The following GABRB1 variants were observed in gnomAD, a reference collection of about 807,000 sequenced individuals.
GABRB1 encodes gamma-aminobutyric acid receptor subunit beta-1.
GABRB1 carries 17 observed loss-of-function variants against 51.6 expected under a neutral mutation model. That is an observed-to-expected ratio of 0.33 (90% CI 0.23 to 0.49). GABRB1 has a LOEUF of 0.49. Ranked by LOEUF, GABRB1 falls within the 20% of genes least tolerant of loss-of-function variation. GABRB1 has a pLI of 0.99. For missense variants in GABRB1, 410 were observed against 600.6 expected (o/e 0.68, Z 3.32); for synonymous variants, 247 against 218.9 (o/e 1.13, Z -1.14).
At chr4:47,385,176 C>T (rs1727745825) in intron 5 of GABRB1, among the ~76,000 whole-genome samples, 1 of 152,162 alleles carries the variant, frequency 6.6e-6, no homozygotes, top group African/African-American at 2.4e-5. Context: ...GCCATGACCT[C>T]ATCTGAGACT....
chr4:47,298,668 G>T (rs1046599982), intron 4 of GABRB1, among the ~76,000 whole-genome samples: 1 of 152,172 alleles, frequency 6.6e-6, no homozygotes, highest in Non-Finnish European at 1.5e-5. Context: ...GCTGCCCAAG[G>T]TAATTTATAG....
intron 1 of GABRB1, among the ~76,000 whole-genome samples, chr4:47,021,305 T>G (rs907177741): frequency 1.3e-5 from 2 of 152,306 alleles, no homozygotes; most frequent in African/African-American, 4.8e-5. Flanking sequence ...GAATTCCAGA[T>G]AAGTAAGAGA....
chr4:47,099,833 T>TA (rs5858053), intron 3 of GABRB1, among the ~76,000 whole-genome samples: 115,232 of 150,630 alleles, frequency 0.77, 44,240 homozygotes, highest in Middle Eastern at 0.82. Context: ...TAAAATCACT[T>TA]AAAAAAAAAC....
intron 4 of GABRB1, among the ~76,000 whole-genome samples, chr4:47,170,154 C>T (rs899918260): frequency 1.3e-5 from 2 of 152,048 alleles, no homozygotes; most frequent in Admixed American, 1.3e-4. Context: ...GATAACTCCT[C>T]TACCATATTT....
intron 3 of GABRB1, among the ~76,000 whole-genome samples, chr4:47,142,795 T>A (rs976023733): frequency 6.6e-6 from 1 of 151,852 alleles, no homozygotes; most frequent in Non-Finnish European, 1.5e-5. Context: ...TCAAGGAAGA[T>A]ACCCAAGTGA....
intron 5 of GABRB1, among the ~76,000 whole-genome samples, chr4:47,371,355 G>A (rs756091693): frequency 4.6e-5 from 7 of 152,068 alleles, no homozygotes; most frequent in Non-Finnish European, 8.8e-5. Flanking sequence ...CATTTGCATT[G>A]ATTCCATGTC....
At chr4:47,333,227 TATATATATAC>T (rs201471963) in intron 5 of GABRB1, among the ~76,000 whole-genome samples, 14,211 of 47,248 alleles carry the variant, frequency 0.3, 1,187 homozygotes, top group East Asian at 0.33. Flanking sequence ...TATATATATA[TATATATATAC>T]ACACCACGTA....
At chr4:47,114,049 C>G (rs1422392136) in intron 3 of GABRB1, among the ~76,000 whole-genome samples, 2 of 152,184 alleles carry the variant, frequency 1.3e-5, no homozygotes, top group African/African-American at 2.4e-5. Context: ...GTTGTCTGAC[C>G]AAGCTAGAGA....
intron 5 of GABRB1, among the ~76,000 whole-genome samples, chr4:47,350,157 T>G (rs1050962520): frequency 7.0e-6 from 1 of 143,632 alleles, no homozygotes; most frequent in Non-Finnish European, 1.5e-5. Flanking sequence ...TTCTGATTAT[T>G]TAAAATATTT....
chr4:47,287,700 A>C (rs1034384157), intron 4 of GABRB1, among the ~76,000 whole-genome samples: 1 of 152,186 alleles, frequency 6.6e-6, no homozygotes, highest in Non-Finnish European at 1.5e-5. Flanking sequence ...AAGTGATACA[A>C]TGTCATGTCT....
At chr4:47,344,953 C>A (rs2109991198) in intron 5 of GABRB1, among the ~76,000 whole-genome samples, 1 of 152,216 alleles carries the variant, frequency 6.6e-6, no homozygotes, top group South Asian at 2.1e-4. Flanking sequence ...AAACTCCTGA[C>A]TTCAGGTGAT....
chr4:47,272,076 G>C (rs1417330955), intron 4 of GABRB1, among the ~76,000 whole-genome samples: 1 of 152,128 alleles, frequency 6.6e-6, no homozygotes, highest in African/African-American at 2.4e-5. Context: ...AACTACCCGT[G>C]TTCCTCTCTT....
In GABRB1 at chr4:47,361,249, A is replaced by G. The variant is rs934497773; in HGVS notation, c.544+41040A>G. On this transcript the variant is annotated intron_variant, in intron 5 of 8. Transcript: ENST00000295454. ...ATGTTCCTGGCCGTAACAACAAAAA[A>G]TTTCTTCTGGGGACTTAAGGAAAGC... Among the ~76,000 whole-genome samples, 10 of 152,314 alleles carry G rather than the reference A, an allele frequency of 6.6e-5. No individual in the cohort carries two copies. In the South Asian group the frequency reaches 1.7e-3, roughly 25 times the overall value.
chr4:47,210,594 C>A (rs1002831146), intron 4 of GABRB1, among the ~76,000 whole-genome samples: 9 of 152,006 alleles, frequency 5.9e-5, no homozygotes, highest in African/African-American at 1.7e-4. Context: ...TTAACAATTT[C>A]TGAATAAATA....
chr4:47,319,693 G>A (rs1311263535), intron 4 of GABRB1, among the ~76,000 whole-genome samples: 1 of 152,124 alleles, frequency 6.6e-6, no homozygotes, highest in African/African-American at 2.4e-5. Flanking sequence ...AGTGAAGCTG[G>A]CCTCATGAAA....
chr4:47,399,176 A>G (rs1728295252), intron 5 of GABRB1, among the ~76,000 whole-genome samples: 1 of 152,216 alleles, frequency 6.6e-6, no homozygotes, highest in Non-Finnish European at 1.5e-5. Flanking sequence ...TAGTGTCTGT[A>G]TAAATAATCA....
chr4:47,257,021 T>A (rs1220254083), intron 4 of GABRB1, among the ~76,000 whole-genome samples: 1 of 152,106 alleles, frequency 6.6e-6, no homozygotes, highest in Admixed American at 6.6e-5. Flanking sequence ...CCACTCTCCA[T>A]TTTTTTCCAC....
At chr4:47,164,600 G>A (rs73140283) in intron 4 of GABRB1, among the ~76,000 whole-genome samples, 49 of 152,184 alleles carry the variant, frequency 3.2e-4, no homozygotes, top group African/African-American at 1.2e-3. Flanking sequence ...GCACTGGAAA[G>A]CCTTTGGCTA....
At chr4:47,065,943 T>C (rs4610312) in intron 3 of GABRB1, among the ~76,000 whole-genome samples, 8 of 152,356 alleles carry the variant, frequency 5.3e-5, no homozygotes, top group South Asian at 2.1e-4. Flanking sequence ...TAGGTGTCTG[T>C]ACTGTGTGTC....
Sources: allele counts gnomAD v4.1 joint callset (sites outside exome capture counted in the v4.1 genomes callset), GRCh38; gene constraint gnomAD v4.1.1; transcripts MANE v1.5; gene names NCBI Gene and HGNC (gene_info 2026-07-23, HGNC 2026-07-21).